Variants in GSTCD observed in about 807,000 individuals in gnomAD.
GSTCD encodes glutathione S-transferase C-terminal domain containing.
In GSTCD, 44 loss-of-function variants were observed where a neutral mutation model predicts 68.3. The ratio of observed to expected loss-of-function variants is 0.64; its 90% confidence interval spans 0.51 to 0.83. The LOEUF is 0.83. Among genes scored for constraint, GSTCD ranks in the 40% least tolerant of loss-of-function variants. The probability of loss-of-function intolerance (pLI) is 0.00; values close to 1 mark genes in which losing one functional copy is unlikely to be tolerated. For missense variants in GSTCD, 739 were observed against 735.9 expected (o/e 1.00, Z -0.05); for synonymous variants, 273 against 255.2 (o/e 1.07, Z -0.67).
chr4:105,836,540 G>C (rs992289591), intron 9 of GSTCD, among the ~76,000 whole-genome samples: 4 of 152,106 alleles, frequency 2.6e-5, no homozygotes, highest in Admixed American at 6.5e-5. Context: ...TTGTGCCAAG[G>C]GGTGCCTGCA....
chr4:105,760,108 G>T (rs1355644220), intron 5 of GSTCD, among the ~76,000 whole-genome samples: 2 of 147,414 alleles, frequency 1.4e-5, no homozygotes, highest in Non-Finnish European at 3.0e-5. Context: ...ATGCAGCTTA[G>T]TAATTTGGTC....
intron 1 of GSTCD, among the ~76,000 whole-genome samples, chr4:105,714,351 G>A (rs1026117601): frequency 2.0e-5 from 3 of 152,198 alleles, no homozygotes; most frequent in Admixed American, 6.5e-5. Flanking sequence ...GAGCTGTGCC[G>A]CAGAAGCCCT....
At chr4:105,821,818 C>T (rs1723308003) in intron 5 of GSTCD, among the ~76,000 whole-genome samples, 1 of 151,794 alleles carries the variant, frequency 6.6e-6, no homozygotes, top group Admixed American at 6.6e-5. Context: ...AGTAACCATA[C>T]ATGTACATAA....
chr4:105,799,389 CA>C (rs1230462165), intron 5 of GSTCD, among the ~76,000 whole-genome samples: 1 of 152,166 alleles, frequency 6.6e-6, no homozygotes, highest in East Asian at 1.9e-4. Context: ...CAGCTTTCAA[CA>C]TGCCTTCCTC....
chr4:105,825,426 G>A (rs771136648), intron 7 of GSTCD, among the ~76,000 whole-genome samples: 3 of 152,098 alleles, frequency 2.0e-5, no homozygotes, highest in South Asian at 2.1e-4. Context: ...CACCACGCCC[G>A]GCCCACGCTG....
intron 5 of GSTCD, among the ~76,000 whole-genome samples, chr4:105,749,119 A>G (rs904119145): frequency 2.0e-5 from 3 of 152,010 alleles, no homozygotes; most frequent in Non-Finnish European, 4.4e-5. Flanking sequence ...GTAGAAAGGT[A>G]TCTTTATTTT....
At chr4:105,785,458 G>C (rs966737169) in intron 5 of GSTCD, among the ~76,000 whole-genome samples, 1 of 151,994 alleles carries the variant, frequency 6.6e-6, no homozygotes. Context: ...ATAGTATACA[G>C]GGCAACAACC....
At chr4:105,743,679 T>A (rs1054589273) in intron 5 of GSTCD, among the ~76,000 whole-genome samples, 558 of 135,826 alleles carry the variant, frequency 4.1e-3, no homozygotes, top group African/African-American at 7.1e-3. Flanking sequence ...TTTTTTTTTT[T>A]ATGGAGTCTG....
At position 105,719,194 on chromosome 4, in the gene GSTCD, T is replaced by TA. The variant is rs757113193; in HGVS notation, c.562dup (p.Arg188LysfsTer4). 2 of 1,613,996 alleles carry TA rather than the reference T, an allele frequency of 1.2e-6. 1 individual carries two copies. Among genetic ancestry groups the TA allele is most frequent in the South Asian group, 2.2e-5 (2 of 91,086 alleles). Reference sequence around the variant, plus strand: ...TAGAGAAAAAGCTTAGTGAGCCTGTTAGAGTGCATAATGATGATAAACTCC... The same window carrying TA: ...TAGAGAAAAAGCTTAGTGAGCCTGTTAAGAGTGCATAATGATGATAAACTCC... On this transcript the variant is annotated frameshift_variant, in exon 3 of 12. Transcript: ENST00000515279. LOFTEE classifies it high-confidence loss of function.
At chr4:105,787,227 G>A (rs1180562802) in intron 5 of GSTCD, among the ~76,000 whole-genome samples, 2 of 152,038 alleles carry the variant, frequency 1.3e-5, no homozygotes, top group Non-Finnish European at 2.9e-5. Context: ...CAAGGTGTTT[G>A]TTAAAGATTT....
chr4:105,734,122 T>G lies in GSTCD; in HGVS notation c.1240+4623T>G, dbSNP rs964266450. Among the ~76,000 whole-genome samples the G allele has an allele frequency of 3.9e-5, 6 of 152,328 alleles. No individual in the cohort carries two copies. In the South Asian group the frequency reaches 1.0e-3, roughly 26 times the overall value. ...TTTCTCTCTGGCTGCCCTTAACATT[T>G]TTTCCTTCATTTCAACTTTGGTGAA... On this transcript the variant is annotated intron_variant, in intron 5 of 11. Coordinates refer to ENST00000515279, the MANE Select transcript of GSTCD (RefSeq NM_001370181.1).
At chr4:105,797,538 TG>T (rs1250927077) in intron 5 of GSTCD, among the ~76,000 whole-genome samples, 2 of 152,168 alleles carry the variant, frequency 1.3e-5, no homozygotes, top group East Asian at 3.9e-4. Context: ...TAAGCATCAT[TG>T]GAACCTTCAG....
At chr4:105,716,281 T>C (rs1243018623) in intron 1 of GSTCD, among the ~76,000 whole-genome samples, 1 of 152,132 alleles carries the variant, frequency 6.6e-6, no homozygotes, top group African/African-American at 2.4e-5. Flanking sequence ...GTGATTTAAA[T>C]TGAGTAGTCA....
chr4:105,779,742 T>C (rs1735207197), intron 5 of GSTCD, among the ~76,000 whole-genome samples: 1 of 152,206 alleles, frequency 6.6e-6, no homozygotes, highest in Non-Finnish European at 1.5e-5. Context: ...TTGAACTAAG[T>C]AATTGGTTTG....
chr4:105,776,656 G>A lies in GSTCD; in HGVS notation c.1241-46298G>A, dbSNP rs114943963. On this transcript the variant is annotated intron_variant, in intron 5 of 11. Transcript: ENST00000515279. ...CCCCACCCTGCTTCAACTCACCTCT[G>A]TGGGCTGTACCCACTGTCTAACCAG... Among the ~76,000 whole-genome samples the A allele has an allele frequency of 8.4e-3, 1,277 of 152,138 alleles. 20 individuals are homozygous for A. The highest frequency in any genetic ancestry group is 0.029 in the African/African-American group (1,198 of 41,490).
intron 10 of GSTCD, among the ~76,000 whole-genome samples, chr4:105,840,544 G>C (rs142528333): frequency 5.3e-5 from 8 of 152,268 alleles, no homozygotes; most frequent in Admixed American, 2.0e-4. Flanking sequence ...AACAAATGAT[G>C]AATCTGAATT....
At chr4:105,781,807 T>C (rs1017468218) in intron 5 of GSTCD, among the ~76,000 whole-genome samples, 1 of 151,936 alleles carries the variant, frequency 6.6e-6, no homozygotes, top group African/African-American at 2.4e-5. Flanking sequence ...TTTTTCTTTT[T>C]TTTTTTTTAA....
intron 5 of GSTCD, among the ~76,000 whole-genome samples, chr4:105,811,443 A>C (rs1009458309): frequency 1.4e-5 from 2 of 147,988 alleles, no homozygotes; most frequent in Non-Finnish European, 3.0e-5. Context: ...ATGGGAGTAA[A>C]GGAGTGGCAG....
chr4:105,772,457 A>G (rs1274426662), intron 5 of GSTCD, among the ~76,000 whole-genome samples: 1 of 152,170 alleles, frequency 6.6e-6, no homozygotes, highest in Non-Finnish European at 1.5e-5. Flanking sequence ...GAATGCTTCC[A>G]GCTTTTGCCT....
Sources: gnomAD v4.1 joint callset for allele counts (sites outside exome capture counted in the v4.1 genomes callset) on GRCh38, gnomAD v4.1.1 for gene constraint, MANE v1.5 for transcripts, NCBI Gene and HGNC (gene_info 2026-07-23, HGNC 2026-07-21) for gene names.